Variants in CDH12 observed in about 807,000 individuals in gnomAD.
CDH12 encodes cadherin-12.
In CDH12, 41 loss-of-function variants were observed where a neutral mutation model predicts 74.1. That is an observed-to-expected ratio of 0.55 (90% CI 0.43 to 0.72). The LOEUF (loss-of-function observed/expected upper bound fraction) is 0.72. CDH12 is among the 30% of genes least tolerant of loss of function. The pLI, the probability that CDH12 is intolerant of heterozygous loss-of-function variation, is 0.00. For missense variants in CDH12, 945 were observed against 977.2 expected (o/e 0.97, Z 0.44); for synonymous variants, 399 against 355.0 (o/e 1.12, Z -1.39).
intron 1 of CDH12, among the ~76,000 whole-genome samples, chr5:22,823,245 AG>A (rs1275323217): frequency 2.2e-5 from 1 of 45,582 alleles, no homozygotes; most frequent in East Asian, 6.9e-4. Flanking sequence ...AGGTGGGGGG[AG>A]GGGGGAGGGA....
chr5:22,352,389 G>A (rs1196747961), intron 3 of CDH12, among the ~76,000 whole-genome samples: 3 of 151,762 alleles, frequency 2.0e-5, no homozygotes, highest in African/African-American at 7.3e-5. Flanking sequence ...AATAAAAATT[G>A]CGAAATAAAT....
At chr5:21,979,097 T>C (rs1415194930) in intron 5 of CDH12, among the ~76,000 whole-genome samples, 1 of 152,230 alleles carries the variant, frequency 6.6e-6, no homozygotes, top group Non-Finnish European at 1.5e-5. Context: ...CTTTTTAATC[T>C]ACACATACGG....
At chr5:21,911,564 T>A (rs1323228060) in intron 6 of CDH12, among the ~76,000 whole-genome samples, 1 of 152,078 alleles carries the variant, frequency 6.6e-6, no homozygotes, top group East Asian at 1.9e-4. Flanking sequence ...ATTAAAGTCA[T>A]ATATAGCTTA....
chr5:21,905,989 A>G (rs909056406), intron 6 of CDH12, among the ~76,000 whole-genome samples: 4 of 152,208 alleles, frequency 2.6e-5, no homozygotes, highest in African/African-American at 7.2e-5. Context: ...TTTAGAAGAA[A>G]AGAAGGAAGA....
In CDH12 at chr5:22,060,749, C is replaced by G. The variant is rs114139265; in HGVS notation, c.231+17697G>C. ...CATATTTTTAATGATGTTTATATAG[C>G]AAACAACATTGAAAAATTAAGACTG... On this transcript the variant is annotated intron_variant, in intron 5 of 14. Coordinates refer to ENST00000382254, the MANE Select transcript of CDH12 (RefSeq NM_004061.5). Among the ~76,000 whole-genome samples the G allele has an allele frequency of 2.7e-3, 408 of 152,104 alleles. 3 individuals carry two copies. The highest frequency in any genetic ancestry group is 9.3e-3 in the African/African-American group (384 of 41,502).
intron 1 of CDH12, among the ~76,000 whole-genome samples, chr5:22,762,661 T>C (rs1007864798): frequency 5.9e-5 from 9 of 152,046 alleles, no homozygotes; most frequent in African/African-American, 2.2e-4. Context: ...TAATCATTTG[T>C]TTCAGAACAT....
At chr5:22,495,955 T>C (rs1009448352) in intron 2 of CDH12, among the ~76,000 whole-genome samples, 2 of 152,186 alleles carry the variant, frequency 1.3e-5, no homozygotes, top group Admixed American at 1.3e-4. Flanking sequence ...TAAACTGGTT[T>C]CTTATAGACC....
At chr5:22,805,184 G>C (rs922440734) in intron 1 of CDH12, among the ~76,000 whole-genome samples, 18 of 151,904 alleles carry the variant, frequency 1.2e-4, no homozygotes, top group African/African-American at 4.4e-4. Context: ...TATGTTGGGA[G>C]ACAAAAGGAA....
intron 3 of CDH12, among the ~76,000 whole-genome samples, chr5:22,247,509 T>A (rs1345175151): frequency 6.6e-6 from 1 of 152,014 alleles, no homozygotes; most frequent in African/African-American, 2.4e-5. Flanking sequence ...AAACCATCTC[T>A]ACTAAAAATA....
chr5:22,048,209 ACT>A (rs1740100260), intron 5 of CDH12, among the ~76,000 whole-genome samples: 1 of 152,126 alleles, frequency 6.6e-6, no homozygotes. Context: ...GAATAAACTA[ACT>A]CTATCTATTG....
chr5:22,273,826 T>C (rs1200795970), intron 3 of CDH12, among the ~76,000 whole-genome samples: 2 of 152,124 alleles, frequency 1.3e-5, no homozygotes, highest in African/African-American at 4.8e-5. Context: ...GCATCTTTCT[T>C]CCACTCAAAA....
At chr5:22,711,993 T>G (rs1055573106) in intron 1 of CDH12, among the ~76,000 whole-genome samples, 1 of 152,040 alleles carries the variant, frequency 6.6e-6, no homozygotes, top group Non-Finnish European at 1.5e-5. Flanking sequence ...GGATACTTCT[T>G]GAGCCCAAAT....
chr5:22,682,527 A>G (rs139515386), intron 1 of CDH12, among the ~76,000 whole-genome samples: 24 of 152,196 alleles, frequency 1.6e-4, no homozygotes, highest in African/African-American at 5.8e-4. Context: ...TTAAGTGTAT[A>G]TTACAGGCTT....
chr5:22,662,703 T>C (rs1399110122), intron 1 of CDH12, among the ~76,000 whole-genome samples: 4 of 152,230 alleles, frequency 2.6e-5, no homozygotes, highest in Admixed American at 2.6e-4. Flanking sequence ...ATGAAATTTG[T>C]TGTCAGCTGT....
intron 3 of CDH12, among the ~76,000 whole-genome samples, chr5:22,224,236 T>C (rs1248524022): frequency 6.6e-6 from 1 of 152,088 alleles, no homozygotes; most frequent in Admixed American, 6.6e-5. Flanking sequence ...TATACTGTTA[T>C]GTACTTTTCA....
At chr5:22,776,697 C>A (rs1580989684) in intron 1 of CDH12, among the ~76,000 whole-genome samples, 1 of 152,094 alleles carries the variant, frequency 6.6e-6, no homozygotes, top group African/African-American at 2.4e-5. Flanking sequence ...TATTTAAAAT[C>A]AGTTAAGTAA....
intron 2 of CDH12, among the ~76,000 whole-genome samples, chr5:22,486,237 T>C (rs1459240933): frequency 6.6e-6 from 1 of 152,148 alleles, no homozygotes; most frequent in Non-Finnish European, 1.5e-5. Context: ...AATTGTCACC[T>C]TTCCTATCAT....
intron 1 of CDH12, among the ~76,000 whole-genome samples, chr5:22,742,362 C>T (rs1487502470): frequency 6.6e-6 from 1 of 151,976 alleles, no homozygotes; most frequent in Non-Finnish European, 1.5e-5. Context: ...TCTTAAGGAA[C>T]AAGAAAACCA....
intron 5 of CDH12, among the ~76,000 whole-genome samples, chr5:22,019,299 C>T (rs1329888910): frequency 6.6e-6 from 1 of 152,092 alleles, no homozygotes; most frequent in Non-Finnish European, 1.5e-5. Context: ...ACAGTATATA[C>T]TTAAGAATTT....
Sources: gnomAD v4.1 joint callset for allele counts (sites outside exome capture counted in the v4.1 genomes callset) on GRCh38, gnomAD v4.1.1 for gene constraint, MANE v1.5 for transcripts, NCBI Gene and HGNC (gene_info 2026-07-23, HGNC 2026-07-21) for gene names.